The following ASPH variants were observed in gnomAD, a reference collection of about 807,000 sequenced individuals.
ASPH encodes the protein aspartyl/asparaginyl beta-hydroxylase.
ASPH carries 100 observed loss-of-function variants against 118.4 expected under a neutral mutation model. The ratio of observed to expected loss-of-function variants is 0.84; its 90% CI spans 0.72 to 1.00. The LOEUF (loss-of-function observed/expected upper bound fraction) is 1.00, where lower values mean the gene tolerates loss of function less well. Among genes scored for constraint, ASPH ranks in the 50% least tolerant of loss-of-function variants. ASPH has a pLI of 0.00. For synonymous variants in ASPH, 315 were observed against 325.6 expected (o/e 0.97, Z 0.35); for missense variants, 920 against 919.5 (o/e 1.00, Z -0.01).
At chr8:61,696,414 C>G (rs531656141) in intron 1 of ASPH, among the ~76,000 whole-genome samples, 3 of 152,192 alleles carry the variant, frequency 2.0e-5, no homozygotes, top group African/African-American at 4.8e-5. Flanking sequence ...GGAGCTACTG[C>G]CCTAGCCCAC....
At chr8:61,650,338 C>T (rs1166481877) in intron 5 of ASPH, among the ~76,000 whole-genome samples, 2 of 152,052 alleles carry the variant, frequency 1.3e-5, no homozygotes, top group African/African-American at 2.4e-5. Flanking sequence ...TTTTAAGAAA[C>T]GTAATTTTAT....
At chr8:61,664,226 C>T in intron 3 of ASPH, 7 of 967,568 alleles carry the variant, frequency 7.2e-6, no homozygotes, top group Non-Finnish European at 8.6e-6. Flanking sequence ...GTGCTAAATT[C>T]TGATCTCTAG....
intron 3 of ASPH, chr8:61,664,477 T>C: frequency 2.0e-6 from 2 of 984,752 alleles, no homozygotes; most frequent in Non-Finnish European, 2.4e-6. Flanking sequence ...TTCATGGCTA[T>C]GGCCACAGTT....
chr8:61,614,653 TG>T (rs1848469683), intron 14 of ASPH, among the ~76,000 whole-genome samples: 1 of 151,994 alleles, frequency 6.6e-6, no homozygotes, highest in Non-Finnish European at 1.5e-5. Context: ...TTTTTGTTGT[TG>T]TTGTTGTTGT....
intron 17 of ASPH, among the ~76,000 whole-genome samples, chr8:61,565,313 A>G (rs1387680207): frequency 1.3e-5 from 2 of 152,122 alleles, no homozygotes; most frequent in Non-Finnish European, 2.9e-5. Flanking sequence ...AACAGCTATT[A>G]TTCATTTATA....
rs762357243 is a variant in ASPH, at chr8:61,500,927, CTTAA to C, written c.*2428_*2431del. 5 of 152,142 alleles carry C rather than the reference CTTAA, an allele frequency of 3.3e-5. No individual in the cohort carries two copies. The East Asian group carries it at 7.7e-4, about 24-fold the overall frequency. 9.4% of individuals were successfully genotyped at this position (152,142 alleles called of 1,614,324 possible). A position where few individuals can be genotyped will look rare whatever the true frequency, so the allele number is the denominator to read the frequency against. ...CACCCCTGATAATATTATTACTAAT[CTTAA>C]TTATTTATTACATCATCTCTTTCTC... On this transcript the variant is annotated 3_prime_UTR_variant, in exon 25 of 25. Transcript: ENST00000379454.
At chr8:61,520,678 G>A (rs1812629678) in intron 22 of ASPH, among the ~76,000 whole-genome samples, 1 of 152,202 alleles carries the variant, frequency 6.6e-6, no homozygotes, top group Non-Finnish European at 1.5e-5. Context: ...GGCTTTCCAA[G>A]TCTTCTGGTA....
chr8:61,634,000 TATGG>T (rs781455145), intron 12 of ASPH, among the ~76,000 whole-genome samples: 6 of 152,208 alleles, frequency 3.9e-5, no homozygotes, highest in Non-Finnish European at 8.8e-5. Context: ...GCAAAGGAGC[TATGG>T]ACTAAAACTT....
chr8:61,583,946 T>C lies in ASPH; in HGVS notation c.1060A>G (p.Arg354Gly). The C allele has an allele frequency of 6.3e-7, 1 of 1,574,970 alleles. No individual in the cohort carries two copies. Among genetic ancestry groups the C allele is most frequent in the Non-Finnish European group, 8.7e-7 (1 of 1,155,434 alleles). The change falls in exon 15 of 25, where the codon AGG (arginine) becomes GGG (glycine). Residue 354 changes from arginine (R) to glycine (G), a missense_variant and splice_region_variant. Physicochemically the swap from Arg to Gly is moderately radical, Grantham distance 125. Transcript: ENST00000379454. ...TTGCACAAAAAATATCAACCTACCC[T>C]TTTACGGAGTTTTTCTGCAGCATCA... ...ELDAAEKLRK[R>G]GKIEEAVNAF...
At chr8:61,573,976 C>A (rs1025528967) in intron 16 of ASPH, among the ~76,000 whole-genome samples, 8 of 152,170 alleles carry the variant, frequency 5.3e-5, no homozygotes, top group Non-Finnish European at 1.0e-4. Context: ...TATCCAGAAT[C>A]TACAATGAAC....
At chr8:61,697,234 T>A (rs2151836265) in intron 1 of ASPH, among the ~76,000 whole-genome samples, 1 of 152,362 alleles carries the variant, frequency 6.6e-6, no homozygotes, top group East Asian at 1.9e-4. Flanking sequence ...TTATGAATTA[T>A]AATACATCTT....
At chr8:61,691,349 C>T (rs1195210300) in intron 1 of ASPH, among the ~76,000 whole-genome samples, 1 of 152,146 alleles carries the variant, frequency 6.6e-6, no homozygotes, top group African/African-American at 2.4e-5. Flanking sequence ...GACATCATGG[C>T]CAACTAAACA....
At chr8:61,561,499 G>C (rs1217740071) in intron 18 of ASPH, among the ~76,000 whole-genome samples, 1 of 152,164 alleles carries the variant, frequency 6.6e-6, no homozygotes, top group Non-Finnish European at 1.5e-5. Context: ...AAGGTAAAAA[G>C]ACAACTGCTT....
intron 1 of ASPH, among the ~76,000 whole-genome samples, chr8:61,711,747 A>G (rs1287824710): frequency 6.6e-6 from 1 of 152,208 alleles, no homozygotes; most frequent in African/African-American, 2.4e-5. Flanking sequence ...CTTAAGAAAT[A>G]ATAATGTTTA....
At chr8:61,509,185 A>G (rs1424976175) in intron 24 of ASPH, among the ~76,000 whole-genome samples, 2 of 152,232 alleles carry the variant, frequency 1.3e-5, no homozygotes. Context: ...GCCCTGATCC[A>G]GAGCCCAAAA....
At chr8:61,590,070 A>G in intron 14 of ASPH, among the ~76,000 whole-genome samples, 1 of 151,962 alleles carries the variant, frequency 6.6e-6, no homozygotes. Context: ...TTTGTTTTTA[A>G]TGTGAAAGGC....
intron 3 of ASPH, among the ~76,000 whole-genome samples, chr8:61,654,202 T>A (rs1812493584): frequency 6.6e-6 from 1 of 152,048 alleles, no homozygotes. Flanking sequence ...AGCTAAAACA[T>A]ATGAAAATTT....
intron 3 of ASPH, chr8:61,675,623 C>T: frequency 1.0e-6 from 1 of 977,918 alleles, no homozygotes. Context: ...TGTTAAAGAA[C>T]AGAGAAGCAT....
chr8:61,643,435 TA>T lies in ASPH; in HGVS notation c.710-3del. The T allele has an allele frequency of 1.2e-6, 2 of 1,603,088 alleles. No individual in the cohort carries two copies. On this transcript the variant is annotated splice_region_variant and splice_polypyrimidine_tract_variant and intron_variant, in intron 8 of 24. Coordinates refer to ENST00000379454, the MANE Select transcript of ASPH (RefSeq NM_004318.4). ...CTTCTACTACTGGTTCACTGGAATC[TA>T]AAAAACAAAAACACACCTTTGCCAA...
Sources: allele counts gnomAD v4.1 joint callset (sites outside exome capture counted in the v4.1 genomes callset), GRCh38; gene constraint gnomAD v4.1.1; transcripts MANE v1.5; gene names NCBI Gene and HGNC (gene_info 2026-07-23, HGNC 2026-07-21).